KMT2D: variants seen among roughly 807,000 people sequenced by gnomAD.
KMT2D encodes the protein lysine methyltransferase 2D.
KMT2D carries 55 observed loss-of-function variants against 512.7 expected under a neutral mutation model. The ratio of observed to expected loss-of-function variants is 0.11; its 90% CI spans 0.09 to 0.13. The LOEUF is 0.13. KMT2D is among the 10% of genes least tolerant of loss of function. The pLI is 1.00. For synonymous variants in KMT2D, 2,995 were observed against 2,904.0 expected (o/e 1.03, Z -1.01); for missense variants, 6,061 against 7,127.9 (o/e 0.85, Z 5.39).
chr12:49,039,572 T>C lies in KMT2D; in HGVS notation c.8092A>G (p.Asn2698Asp). 6.2e-7 allele frequency: 1 copy of C among 1,611,662 alleles called. No homozygotes were observed. Among genetic ancestry groups the C allele is most frequent in the Non-Finnish European group, 8.5e-7 (1 of 1,179,672 alleles). The part of the protein sequence containing the change: ...ELLIRQQIQR[N>D]TLRQEKETAA... ...GTTTCCTTCTCCTGCCGCAGGGTGTTGCGCTGGATCTGCTGCCGAATCAGC... is the reference window on the plus strand; with the variant it reads ...GTTTCCTTCTCCTGCCGCAGGGTGTCGCGCTGGATCTGCTGCCGAATCAGC... The change falls in exon 33 of 55, where the codon AAC (asparagine) becomes GAC (aspartate). Residue 2698 changes from asparagine (N) to aspartate (D), a missense_variant. By Grantham distance (23) the Asn-to-Asp change is conservative. Transcript: ENST00000301067. The surrounding 1 kb of genome is among the most constrained non-coding windows in gnomAD (Gnocchi z 5.0).
rs1471735952 is a variant in KMT2D at position 49,050,785 on chromosome 12, G to A, written c.2803C>T (p.Leu935Phe). 2 of 1,601,030 alleles carry A rather than the reference G, an allele frequency of 1.2e-6. No homozygotes were observed. The highest frequency in any genetic ancestry group is 8.5e-7 in the Non-Finnish European group (1 of 1,171,258). The change falls in exon 12 of 55, where the codon CTT (leucine) becomes TTT (phenylalanine). Residue 935 changes from leucine (L) to phenylalanine (F), a missense_variant. Leu to Phe is a conservative substitution (Grantham distance 22). Transcript: ENST00000301067. ...ATGATGGGTGAGAGTGGAGGAGGAAGGGGATCTGGAAGGAAAGAGAAAAAA... is the reference window on the plus strand; with the variant it reads ...ATGATGGGTGAGAGTGGAGGAGGAAAGGGATCTGGAAGGAAAGAGAAAAAA... ...LSPQLMPPDP[L>F]PPPLSPIITA...
At position 49,032,582 on chromosome 12, in the gene KMT2D, G is replaced by A. The variant is rs1235363689; in HGVS notation, c.12123C>T (p.Pro4041=). 6.2e-7 allele frequency: 1 copy of A among 1,613,784 alleles called. No individual in the cohort carries two copies. The highest frequency in any genetic ancestry group is 8.5e-7 in the Non-Finnish European group (1 of 1,179,772). ...PAVSSEATEG[P]STHQGGPLAI... ...CTAACGGCCCTCCCTGATGTGTAGA[G>A]GGCCCCTCAGTGGCCTCTGAAGAAA... is the stretch of plus-strand genomic sequence containing the variant. Residue 4041 remains proline (P), a synonymous_variant, in exon 40 of 55, where the codon CCC becomes CCT. Transcript: ENST00000301067.
At chr12:49,057,759 G>A (rs868581182) in intron 1 of KMT2D, among the ~76,000 whole-genome samples, 1 of 152,154 alleles carries the variant, frequency 6.6e-6, no homozygotes, top group Non-Finnish European at 1.5e-5. Flanking sequence ...TTCACAGCCA[G>A]TAAACTGACA....
chr12:49,040,254 G>C lies in KMT2D; in HGVS notation c.7516C>G (p.Leu2506Val), dbSNP rs749670394. 2 of 1,612,300 alleles carry C rather than the reference G, an allele frequency of 1.2e-6. No individual in the cohort carries two copies. The highest frequency in any genetic ancestry group is 8.5e-7 in the Non-Finnish European group (1 of 1,179,242). ...AALPAGPAGE[L>V]HAKVPSGQPP... ...TGCCCACTTGGGACCTTGGCATGGA[G>C]CTCACCTGCTGGCCCCGCGGGCAGG... Residue 2506 changes from leucine (L) to valine (V), a missense_variant, in exon 32 of 55, where the codon CTC (leucine) becomes GTC (valine). Transcript: ENST00000301067.
chr12:49,031,846 G>A lies in KMT2D; in HGVS notation c.12859C>T (p.Pro4287Ser), dbSNP rs750203743. The A allele has an allele frequency of 5.8e-6, 9 of 1,550,604 alleles. No homozygotes were observed. Among genetic ancestry groups the A allele is most frequent in the Admixed American group, 3.9e-5 (2 of 51,630 alleles). The change falls in exon 40 of 55, where the codon CCC (proline) becomes TCC (serine). Residue 4287 changes from proline (P) to serine (S), a missense_variant. Around this residue, in one of 16 missense-constraint regions of KMT2D, gnomAD observed 1,600 missense variants for 1,754.9 expected, o/e 0.91. Transcript: ENST00000301067. ...LGAGPRPQGP[P>S]RLPAPPGALS... ...GCTCCTGGTGGGGCAGGGAGCCGGGGTGGGCCCTGAGGTCGAGGCCCTGCC... is the reference window on the plus strand; with the variant it reads ...GCTCCTGGTGGGGCAGGGAGCCGGGATGGGCCCTGAGGTCGAGGCCCTGCC...
At chr12:49,053,829 C>T in intron 6 of KMT2D, 149 bp downstream of exon 6, 3 of 1,084,640 alleles carry the variant, frequency 2.8e-6, no homozygotes, top group Non-Finnish European at 2.6e-6. Context: ...ACAGGCAAAA[C>T]CCTGGTGCTC....
In KMT2D at chr12:49,032,495, A is replaced by C; in HGVS notation, c.12210T>G (p.Ser4070=). Residue 4070 remains serine, a synonymous_variant, in exon 40 of 55, where the codon TCT becomes TCG. Transcript: ENST00000301067. ...GGACAAGCAGGAGTTGTGAGTCCCCAGAGAGTGAGGGCTTTACCTCTCCTG... is the reference window on the plus strand; with the variant it reads ...GGACAAGCAGGAGTTGTGAGTCCCCCGAGAGTGAGGGCTTTACCTCTCCTG... ...TEPGEVKPSL[S]GDSQLLLVQP... 1 of 1,573,700 alleles carries C rather than the reference A, an allele frequency of 6.4e-7. No individual in the cohort carries two copies. Among genetic ancestry groups the C allele is most frequent in the East Asian group, 2.4e-5 (1 of 42,458 alleles).
At position 49,039,376 on chromosome 12, in the gene KMT2D, G is replaced by C; in HGVS notation, c.8230-18C>G. ...CTCTTGTCCTAGAAGAGACAAGGTAGATGAAGGTGGAGCAACCTTCAATAT... is the reference window on the plus strand; with the variant it reads ...CTCTTGTCCTAGAAGAGACAAGGTACATGAAGGTGGAGCAACCTTCAATAT... On this transcript the variant is annotated intron_variant, in intron 33 of 54. Coordinates refer to ENST00000301067, the MANE Select transcript of KMT2D (RefSeq NM_003482.4). This position sits in a 1 kb window ranked among gnomAD's most constrained non-coding sequence, Gnocchi z 5.0. The C allele has an allele frequency of 6.2e-6, 10 of 1,609,240 alleles. No homozygotes were observed. Among genetic ancestry groups the C allele is most frequent in the Non-Finnish European group, 8.5e-6 (10 of 1,177,310 alleles).
rs757939294 is a variant in KMT2D, at chr12:49,022,839, T to C, written c.16089A>G (p.Ala5363=). 4.3e-6 allele frequency: 7 copies of C among 1,611,730 alleles called. No individual in the cohort carries two copies. The East Asian group carries it at 1.3e-4, about 31-fold the overall frequency. ...TCTCGCCTGTGAAGGTGCTCTGATATGCCTTAGACATGCTGGTGCTGTTCA... is the reference window on the plus strand; with the variant it reads ...TCTCGCCTGTGAAGGTGCTCTGATACGCCTTAGACATGCTGGTGCTGTTCA... ...HTLNSTSMSK[A]YQSTFTGETN... The change falls in exon 52 of 55, where the codon GCA becomes GCG. Residue 5363 remains alanine (A), a synonymous_variant. Transcript: ENST00000301067. The surrounding 1 kb of genome is among the most constrained non-coding windows in gnomAD (Gnocchi z 8.6).
In KMT2D at chr12:49,027,190, C is replaced by T. The variant is rs2120369387; in HGVS notation, c.14776G>A (p.Ala4926Thr). Residue 4926 changes from alanine to threonine, a missense_variant, in exon 49 of 55, where the codon GCC (alanine) becomes ACC (threonine). Physicochemically the swap from Ala to Thr is moderately conservative, Grantham distance 58 (BLOSUM62 0). This residue lies in a region of KMT2D where 1,600 missense variants were observed against 1,754.9 expected (regional missense o/e 0.91). Coordinates refer to ENST00000301067, the MANE Select transcript of KMT2D (RefSeq NM_003482.4). ...ACCAAGGGCTCAGTAGGGGGACTGG[C>T]AGGAGAAGGTGCCAAGGGGGAAGGG... ...PPPSPLAPSP[A>T]SPPTEPLVEL... is the part of the protein sequence containing the mutation. The T allele has an allele frequency of 1.3e-6, 2 of 1,492,370 alleles. No homozygotes were observed. Among genetic ancestry groups the T allele is most frequent in the Non-Finnish European group, 1.8e-6 (2 of 1,120,110 alleles). The allele number at this position is 1,492,370 out of a possible 1,614,324, so 92.4% of individuals were successfully genotyped here.
chr12:49,055,675 C>A (rs1468724508), intron 1 of KMT2D, among the ~76,000 whole-genome samples: 1 of 152,216 alleles, frequency 6.6e-6, no homozygotes, highest in Non-Finnish European at 1.5e-5. Flanking sequence ...GTATCTAATA[C>A]TGCTCTTTGG....
intron 1 of KMT2D, among the ~76,000 whole-genome samples, chr12:49,057,067 T>C (rs1189300045): frequency 6.6e-6 from 1 of 152,010 alleles, no homozygotes; most frequent in African/African-American, 2.4e-5. Flanking sequence ...GAAAGCAGGG[T>C]GGGTCATCTG....
Position 49,046,549 on chromosome 12 carries a change from T to A in KMT2D, c.4418+60A>T, listed in dbSNP as rs2120608428. ...CCCAGCCTCTGTCACATACTCAACA[T>A]CATATCCACTTTAACATCTCAAGGC... On this transcript the variant is annotated intron_variant, in intron 16 of 54. Transcript: ENST00000301067. The surrounding 1 kb of genome is among the most constrained non-coding windows in gnomAD (Gnocchi z 4.2). 1 of 1,577,998 alleles carries A rather than the reference T, an allele frequency of 6.3e-7. No homozygotes were observed. Among genetic ancestry groups the A allele is most frequent in the Non-Finnish European group, 8.6e-7 (1 of 1,157,534 alleles).
chr12:49,056,907 G>A (rs988357010), intron 1 of KMT2D, among the ~76,000 whole-genome samples: 1 of 152,164 alleles, frequency 6.6e-6, no homozygotes, highest in Non-Finnish European at 1.5e-5. Flanking sequence ...TAGTGGCTAT[G>A]CCCCTCTGGA....
rs2120660961 is a variant in KMT2D, at chr12:49,050,973, C to T, written c.2710G>A (p.Gly904Arg). Residue 904 changes from glycine (G) to arginine (R), a missense_variant, in exon 11 of 55, where the codon GGG (glycine) becomes AGG (arginine). This residue lies in a region of KMT2D where 848 missense variants were observed against 838.5 expected (regional missense o/e 1.01). Transcript: ENST00000301067. ...GGCAGAGGGGACAGAGGTGGTTCCCCAGGCTCAGACAGGGCTGGCTCTCCA... is the reference window on the plus strand; with the variant it reads ...GGCAGAGGGGACAGAGGTGGTTCCCTAGGCTCAGACAGGGCTGGCTCTCCA... ...LLGEPALSEP[G>R]EPPLSPLPEE... 1.3e-6 allele frequency: 2 copies of T among 1,562,270 alleles called. No homozygotes were observed. Among genetic ancestry groups the T allele is most frequent in the Non-Finnish European group, 1.7e-6 (2 of 1,155,566 alleles).
In KMT2D at chr12:49,031,894, T is replaced by A; in HGVS notation, c.12811A>T (p.Thr4271Ser). The A allele has an allele frequency of 6.5e-7, 1 of 1,533,738 alleles. No individual in the cohort carries two copies. The highest frequency in any genetic ancestry group is 8.8e-7 in the Non-Finnish European group (1 of 1,142,142). Reference protein sequence around the residue: ...PQLGGFPGPQTGPLQELGAGP... With the variant: ...PQLGGFPGPQSGPLQELGAGP... ...GCCCCTAGCTCCTGGAGGGGGCCTG[T>A]CTGTGGTCCAGGGAAGCCCCCAAGT... The change falls in exon 40 of 55, where the codon ACA (threonine) becomes TCA (serine). Residue 4271 changes from threonine to serine, a missense_variant. By Grantham distance (58) the Thr-to-Ser change is moderately conservative. This residue lies in a region of KMT2D where 1,600 missense variants were observed against 1,754.9 expected (regional missense o/e 0.91). Coordinates refer to ENST00000301067, the MANE Select transcript of KMT2D (RefSeq NM_003482.4).
rs1565791421 is a variant in KMT2D, at chr12:49,039,741, G to A, written c.8029C>T (p.Leu2677=). The A allele has an allele frequency of 6.2e-7, 1 of 1,613,200 alleles. No individual in the cohort carries two copies. ...CAACTTACCTGCCGTTGCTTCTCCA[G>A]CTCTGTTTGGCTAAGGCCGGACATG... is the stretch of plus-strand genomic sequence containing the variant. ...PGMSGLSQTE[L]EKQRQRQRLR... The change falls in exon 32 of 55, where the codon CTG becomes TTG. Residue 2677 remains leucine (L), a synonymous_variant. Transcript: ENST00000301067. This position sits in a 1 kb window ranked among gnomAD's most constrained non-coding sequence, Gnocchi z 5.0.
Position 49,048,667 on chromosome 12 carries a change from G to A in KMT2D, c.4123C>T (p.Leu1375=), listed in dbSNP as rs1368572. 40 of 1,607,554 alleles carry A rather than the reference G, an allele frequency of 2.5e-5. No homozygotes were observed. The highest frequency in any genetic ancestry group is 3.2e-5 in the Non-Finnish European group (38 of 1,174,186). Residue 1375 remains leucine (L), a synonymous_variant, in exon 14 of 55, where the codon CTA becomes TTA. Coordinates refer to ENST00000301067, the MANE Select transcript of KMT2D (RefSeq NM_003482.4). ...GTCTCACTGTATGGTACCTGCATTA[G>A]GACAAATTTGTCTGTGTTGGAGAAG... ...VLFSNTDKFV[L]MQDMCVVCGS... is the part of the protein sequence containing the mutation.
Position 49,029,513 on chromosome 12 carries a change from G to T in KMT2D, c.14000-37C>A. The T allele has an allele frequency of 2.7e-6, 4 of 1,490,162 alleles. No individual in the cohort carries two copies. In the South Asian group the frequency reaches 3.6e-5, roughly 14 times the overall value. 92.3% of individuals were successfully genotyped at this position (1,490,162 alleles called of 1,614,324 possible). On this transcript the variant is annotated intron_variant, in intron 43 of 54. Coordinates refer to ENST00000301067, the MANE Select transcript of KMT2D (RefSeq NM_003482.4). The stretch of plus-strand genomic sequence containing the variant: ...GTAGGGAGAAGAAAAGTCAGGTGAG[G>T]GTGGCCAGGGCTGATGGTACCTTCT...
Sources: gnomAD v4.1 joint callset for allele counts (sites outside exome capture counted in the v4.1 genomes callset) on GRCh38, gnomAD v4.1.1 for gene constraint, gnomAD v4.1.1 regional missense constraint, Gnocchi (gnomAD v3.1) non-coding constraint, MANE v1.5 for transcripts, NCBI Gene and HGNC (gene_info 2026-07-23, HGNC 2026-07-21) for gene names.